The following DCLK1 variants were observed in gnomAD, a reference collection of about 807,000 sequenced individuals.
DCLK1 encodes doublecortin like kinase 1.
In DCLK1, 16 loss-of-function variants were observed where a neutral mutation model predicts 86.2. The observed-to-expected ratio is 0.19, with a 90% confidence interval of 0.13 to 0.28. The LOEUF is 0.28. DCLK1 is among the 10% of genes least tolerant of loss of function. The probability of loss-of-function intolerance (pLI) is 1.00; values close to 1 mark genes in which losing one functional copy is unlikely to be tolerated. For missense variants in DCLK1, 590 were observed against 940.2 expected (o/e 0.63, Z 4.87); for synonymous variants, 369 against 370.5 (o/e 1.00, Z 0.05).
chr13:35,951,511 C>A (rs369605542), intron 3 of DCLK1, among the ~76,000 whole-genome samples: 1 of 150,742 alleles, frequency 6.6e-6, no homozygotes, highest in East Asian at 1.9e-4. Flanking sequence ...GATTCAAGCC[C>A]TACCTTCTCT....
At chr13:36,006,116 A>C (rs1462726337) in intron 3 of DCLK1, among the ~76,000 whole-genome samples, 1 of 152,208 alleles carries the variant, frequency 6.6e-6, no homozygotes, top group Non-Finnish European at 1.5e-5. Flanking sequence ...AAACCACCAT[A>C]GTACACGTAT....
At chr13:36,092,811 C>G (rs1311686589) in intron 3 of DCLK1, among the ~76,000 whole-genome samples, 1 of 152,180 alleles carries the variant, frequency 6.6e-6, no homozygotes, top group Non-Finnish European at 1.5e-5. Context: ...TTTCCTTTTC[C>G]TTTTCTTCAC....
intron 3 of DCLK1, among the ~76,000 whole-genome samples, chr13:36,045,447 A>G (rs1882876095): frequency 2.0e-5 from 3 of 148,994 alleles, no homozygotes. Context: ...ATGTTTTAGA[A>G]GAAGCTTTTA....
intron 3 of DCLK1, among the ~76,000 whole-genome samples, chr13:35,979,023 T>C (rs1235841850): frequency 2.0e-5 from 3 of 152,218 alleles, no homozygotes; most frequent in African/African-American, 7.2e-5. Context: ...TTAATGGTAG[T>C]TGTCTTTATT....
chr13:35,814,608 G>C (rs2087227990), intron 11 of DCLK1, among the ~76,000 whole-genome samples: 1 of 152,214 alleles, frequency 6.6e-6, no homozygotes, highest in South Asian at 2.1e-4. Flanking sequence ...CACACGTGAA[G>C]TGGGAGTACA....
chr13:35,807,601 A>G (rs575305008), intron 14 of DCLK1, among the ~76,000 whole-genome samples: 2 of 152,356 alleles, frequency 1.3e-5, no homozygotes, highest in African/African-American at 2.4e-5. Flanking sequence ...ACAGCAATGG[A>G]CAAAATAGAT....
At chr13:35,922,369 A>C (rs1875851712) in intron 4 of DCLK1, among the ~76,000 whole-genome samples, 1 of 152,158 alleles carries the variant, frequency 6.6e-6, no homozygotes, top group South Asian at 2.1e-4. Flanking sequence ...AGGACCACAT[A>C]TCACCCATGC....
intron 2 of DCLK1, among the ~76,000 whole-genome samples, chr13:36,119,590 A>G (rs1007724859): frequency 1.3e-5 from 2 of 152,174 alleles, no homozygotes; most frequent in African/African-American, 4.8e-5. Flanking sequence ...AACATCATGT[A>G]CCCCCTGAAA....
At chr13:36,042,473 T>C (rs1263658177) in intron 3 of DCLK1, among the ~76,000 whole-genome samples, 2 of 152,192 alleles carry the variant, frequency 1.3e-5, no homozygotes, top group Non-Finnish European at 2.9e-5. Flanking sequence ...AATACAACCA[T>C]TGTTCTTCTA....
At chr13:35,992,408 T>C (rs1201616443) in intron 3 of DCLK1, among the ~76,000 whole-genome samples, 1 of 151,958 alleles carries the variant, frequency 6.6e-6, no homozygotes, top group African/African-American at 2.4e-5. Context: ...GTGGCTGCCA[T>C]TCCTTACTTT....
intron 3 of DCLK1, among the ~76,000 whole-genome samples, chr13:36,016,708 A>G (rs1249644608): frequency 6.6e-6 from 1 of 152,224 alleles, no homozygotes; most frequent in Non-Finnish European, 1.5e-5. Flanking sequence ...CAAGCCACAT[A>G]TGTGATTTTA....
rs144259785 is a variant in DCLK1 at position 36,115,152 on chromosome 13, C to T, written c.377-2937G>A. Reference sequence around the variant, plus strand: ...CTGCACTCCAGCCTGGGCAACAAAGCGAGATCCCATCTCTCTTTATTTAAA... The same window carrying T: ...CTGCACTCCAGCCTGGGCAACAAAGTGAGATCCCATCTCTCTTTATTTAAA... On this transcript the variant is annotated intron_variant, in intron 2 of 16. Coordinates refer to ENST00000360631, the MANE Select transcript of DCLK1 (RefSeq NM_001330071.2). Among the ~76,000 whole-genome samples the T allele has an allele frequency of 1.6e-4, 24 of 152,110 alleles. 1 individual carries two copies. The East Asian group carries it at 4.6e-3, about 29-fold the overall frequency.
chr13:35,933,482 G>A (rs779981447), intron 4 of DCLK1, among the ~76,000 whole-genome samples: 1 of 152,226 alleles, frequency 6.6e-6, no homozygotes, highest in Non-Finnish European at 1.5e-5. Flanking sequence ...ACTTGTGCCT[G>A]GGCATCCAGG....
At chr13:36,001,486 G>A (rs989275106) in intron 3 of DCLK1, among the ~76,000 whole-genome samples, 3 of 152,150 alleles carry the variant, frequency 2.0e-5, no homozygotes, top group African/African-American at 7.2e-5. Flanking sequence ...AGAGGAGGCT[G>A]AAGCCAGATG....
At chr13:35,943,492 A>C (rs1009298507) in intron 4 of DCLK1, among the ~76,000 whole-genome samples, 17 of 152,186 alleles carry the variant, frequency 1.1e-4, no homozygotes, top group Non-Finnish European at 5.9e-5. Context: ...TAACATCAGA[A>C]TCAAGAGCAG....
At chr13:35,914,647 TC>T (rs1335620139) in intron 4 of DCLK1, among the ~76,000 whole-genome samples, 1 of 150,206 alleles carries the variant, frequency 6.7e-6, no homozygotes, top group East Asian at 2.0e-4. Flanking sequence ...GCTGGAGAGG[TC>T]AGGGCTGCAG....
chr13:36,033,668 G>A (rs1303813094), intron 3 of DCLK1, among the ~76,000 whole-genome samples: 3 of 152,216 alleles, frequency 2.0e-5, no homozygotes, highest in African/African-American at 4.8e-5. Context: ...GCTCACGCCT[G>A]TAATCCCAGA....
At chr13:35,804,851 C>A (rs1036897833) in intron 15 of DCLK1, among the ~76,000 whole-genome samples, 7 of 152,162 alleles carry the variant, frequency 4.6e-5, no homozygotes, top group Non-Finnish European at 1.0e-4. Context: ...TATCATTAGA[C>A]CCGTGTACTC....
chr13:35,847,760 G>A (rs1870316600), intron 6 of DCLK1: 1 of 985,002 alleles, frequency 1.0e-6, no homozygotes, highest in Non-Finnish European at 1.2e-6. Flanking sequence ...TGGTTCAAAT[G>A]GTTTTAGAAA....
Sources: gnomAD v4.1 joint callset for allele counts (sites outside exome capture counted in the v4.1 genomes callset) on GRCh38, gnomAD v4.1.1 for gene constraint, MANE v1.5 for transcripts, NCBI Gene and HGNC (gene_info 2026-07-23, HGNC 2026-07-21) for gene names.